DOCK4: variants seen among roughly 807,000 people sequenced by gnomAD.
DOCK4 encodes dedicator of cytokinesis 4.
A neutral mutation model predicts 268.1 loss-of-function variants in DOCK4; 97 were observed. The observed-to-expected ratio is 0.36, with a 90% CI of 0.31 to 0.43. The LOEUF is 0.43. DOCK4 is among the 20% of genes least tolerant of loss of function. The pLI is 1.00. For missense variants in DOCK4, 2,145 were observed against 2,455.7 expected, an observed-to-expected ratio of 0.87 and a Z score of 2.67; for synonymous variants, 954 against 887.2, an observed-to-expected ratio of 1.08 and a Z score of -1.34.
chr7:112,179,132 A>C (rs953360837), intron 1 of DOCK4, among the ~76,000 whole-genome samples: 5 of 152,206 alleles, frequency 3.3e-5, no homozygotes, highest in Non-Finnish European at 1.5e-5. Flanking sequence ...CACACCTATA[A>C]TCTCAGCACT....
rs73717950 is a variant in DOCK4 at position 112,070,282 on chromosome 7, G to A, written c.38-66151C>T. The stretch of plus-strand genomic sequence containing the variant: ...ATGGGAACCCTTTAGATACAGGGGT[G>A]GGAGGAAGAAGGAAGGGATATTATG... On this transcript the variant is annotated intron_variant, in intron 1 of 52. Coordinates refer to ENST00000428084, the MANE Select transcript of DOCK4 (RefSeq NM_001363540.2). Among the ~76,000 whole-genome samples the A allele has an allele frequency of 3.7e-3, 558 of 152,266 alleles. 2 individuals are homozygous for A. The highest frequency in any genetic ancestry group is 0.013 in the African/African-American group (524 of 41,544).
At chr7:111,950,249 T>A (rs959512103) in intron 8 of DOCK4, among the ~76,000 whole-genome samples, 1 of 152,232 alleles carries the variant, frequency 6.6e-6, no homozygotes, top group African/African-American at 2.4e-5. Flanking sequence ...TTCTGGCACA[T>A]CTTCTGAAAT....
intron 1 of DOCK4, among the ~76,000 whole-genome samples, chr7:112,063,832 A>G (rs1460544548): frequency 6.6e-6 from 1 of 152,238 alleles, no homozygotes; most frequent in African/African-American, 2.4e-5. Flanking sequence ...CGGGACATGT[A>G]AAATGTGAGC....
At chr7:112,154,092 C>A (rs971648408) in intron 1 of DOCK4, among the ~76,000 whole-genome samples, 1 of 152,134 alleles carries the variant, frequency 6.6e-6, no homozygotes, top group Non-Finnish European at 1.5e-5. Context: ...CCACTTTAGT[C>A]TCCCTAGTAG....
chr7:112,050,742 T>C (rs1239399643), intron 1 of DOCK4, among the ~76,000 whole-genome samples: 1 of 152,130 alleles, frequency 6.6e-6, no homozygotes, highest in Non-Finnish European at 1.5e-5. Context: ...AATCAACTTT[T>C]ATATTAGGAG....
intron 27 of DOCK4, among the ~76,000 whole-genome samples, chr7:111,816,201 TC>T (rs1801540858): frequency 6.6e-6 from 1 of 152,088 alleles, no homozygotes; most frequent in Admixed American, 6.6e-5. Flanking sequence ...AATTTGATAA[TC>T]TGCTCATACA....
chr7:112,139,448 T>A (rs186171734), intron 1 of DOCK4, among the ~76,000 whole-genome samples: 3 of 152,184 alleles, frequency 2.0e-5, no homozygotes, highest in African/African-American at 7.2e-5. Context: ...ATTTCATAAA[T>A]AGTTATTTTT....
intron 27 of DOCK4, chr7:111,820,829 G>C (rs1159738653): frequency 6.6e-6 from 1 of 152,124 alleles, no homozygotes; most frequent in Non-Finnish European, 1.5e-5. Flanking sequence ...TCCATAGCCT[G>C]GACCTCTTCC....
chr7:112,034,265 G>C (rs774849731), intron 1 of DOCK4, among the ~76,000 whole-genome samples: 5 of 152,132 alleles, frequency 3.3e-5, no homozygotes, highest in Admixed American at 6.6e-5. Flanking sequence ...TCTTTTTAAA[G>C]GAACTAAGCA....
At chr7:111,796,728 T>C in intron 30 of DOCK4, among the ~76,000 whole-genome samples, 1 of 152,232 alleles carries the variant, frequency 6.6e-6, no homozygotes, top group East Asian at 1.9e-4. Flanking sequence ...TAAAGAAGCC[T>C]TGCCCAAAGG....
intron 11 of DOCK4, among the ~76,000 whole-genome samples, chr7:111,939,397 C>T (rs2134752990): frequency 6.6e-6 from 1 of 151,718 alleles, no homozygotes; most frequent in Admixed American, 6.6e-5. Flanking sequence ...CGCCTGTAGT[C>T]CCAGCTACTC....
chr7:112,123,365 T>C (rs1812919283), intron 1 of DOCK4, among the ~76,000 whole-genome samples: 1 of 152,152 alleles, frequency 6.6e-6, no homozygotes, highest in African/African-American at 2.4e-5. Context: ...AGTGCCGTAT[T>C]TGGGGATATG....
chr7:111,758,548 T>A, intron 41 of DOCK4, 76 bp downstream of exon 41: 5 of 1,504,104 alleles, frequency 3.3e-6, no homozygotes, highest in Non-Finnish European at 4.6e-6. Context: ...TCTGAGTAAA[T>A]ATTTACCAAG....
intron 15 of DOCK4, among the ~76,000 whole-genome samples, chr7:111,897,161 T>C (rs1477893054): frequency 6.6e-6 from 1 of 152,100 alleles, no homozygotes; most frequent in African/African-American, 2.4e-5. Context: ...ATTCTTTAAC[T>C]CACATTTACT....
At chr7:111,975,038 G>A (rs564789880) in intron 8 of DOCK4, among the ~76,000 whole-genome samples, 1 of 152,180 alleles carries the variant, frequency 6.6e-6, no homozygotes, top group Non-Finnish European at 1.5e-5. Context: ...AGGCCAAGGC[G>A]GGGGGATCAC....
At chr7:111,934,942 AGCTT>A (rs1226670412) in intron 12 of DOCK4, among the ~76,000 whole-genome samples, 55 of 151,380 alleles carry the variant, frequency 3.6e-4, no homozygotes, top group South Asian at 2.1e-3. Flanking sequence ...TGTGATTTTT[AGCTT>A]GCTTTTTTTT....
At chr7:112,140,673 G>A (rs1168227088) in intron 1 of DOCK4, among the ~76,000 whole-genome samples, 1 of 147,278 alleles carries the variant, frequency 6.8e-6, no homozygotes. Context: ...TTTAAATGCA[G>A]AAAAAAAAAA....
intron 1 of DOCK4, among the ~76,000 whole-genome samples, chr7:112,030,044 G>A (rs1308639230): frequency 1.3e-5 from 2 of 152,156 alleles, no homozygotes. Flanking sequence ...AAAACTTCAT[G>A]GTATCAAGAA....
At chr7:112,060,737 A>G (rs764321099) in intron 1 of DOCK4, among the ~76,000 whole-genome samples, 2 of 152,250 alleles carry the variant, frequency 1.3e-5, no homozygotes, top group Admixed American at 6.5e-5. Context: ...CAAATACTGT[A>G]TAATTCCACT....
Sources: gnomAD v4.1 joint callset for allele counts (sites outside exome capture counted in the v4.1 genomes callset) on GRCh38, gnomAD v4.1.1 for gene constraint, MANE v1.5 for transcripts, NCBI Gene and HGNC (gene_info 2026-07-23, HGNC 2026-07-21) for gene names.